The following CNTNAP2 variants were observed in gnomAD, a reference collection of about 807,000 sequenced individuals.
CNTNAP2 encodes the protein contactin associated protein 2.
A neutral mutation model predicts 155.2 loss-of-function variants in CNTNAP2; 98 were observed. That is an observed-to-expected ratio of 0.63 (90% CI 0.54 to 0.75). The LOEUF is 0.75. Among genes scored for constraint, CNTNAP2 ranks in the 30% least tolerant of loss-of-function variants. The probability of loss-of-function intolerance (pLI) is 0.00; values close to 1 mark genes in which losing one functional copy is unlikely to be tolerated. For synonymous variants in CNTNAP2, 651 were observed against 631.2 expected (o/e 1.03, Z -0.47); for missense variants, 1,727 against 1,688.1 (o/e 1.02, Z -0.40).
intron 3 of CNTNAP2, among the ~76,000 whole-genome samples, chr7:146,904,652 T>G (rs1044046060): frequency 6.6e-6 from 1 of 152,120 alleles, no homozygotes; most frequent in Admixed American, 6.5e-5. Flanking sequence ...TTTGTATTTT[T>G]AGTAGAGACG....
intron 2 of CNTNAP2, among the ~76,000 whole-genome samples, chr7:146,775,451 A>G (rs1167129001): frequency 2.0e-5 from 3 of 152,056 alleles, no homozygotes; most frequent in Admixed American, 6.6e-5. Flanking sequence ...ACCTTAATAC[A>G]GCTAAAGGAA....
intron 10 of CNTNAP2, among the ~76,000 whole-genome samples, chr7:147,478,323 T>C (rs1271287454): frequency 6.6e-6 from 1 of 152,012 alleles, no homozygotes; most frequent in African/African-American, 2.4e-5. Context: ...CAGCTAATTT[T>C]TGTATTTTTA....
chr7:147,433,961 T>G (rs1053136866), intron 10 of CNTNAP2, among the ~76,000 whole-genome samples: 4 of 152,186 alleles, frequency 2.6e-5, no homozygotes, highest in Admixed American at 6.5e-5. Context: ...ATACATGCAT[T>G]TTAAAGTATT....
intron 8 of CNTNAP2, among the ~76,000 whole-genome samples, chr7:147,297,171 C>T (rs1328269586): frequency 6.6e-6 from 1 of 151,084 alleles, no homozygotes; most frequent in Admixed American, 6.6e-5. Flanking sequence ...GTCAGCAACT[C>T]CAATGCTATT....
intron 3 of CNTNAP2, among the ~76,000 whole-genome samples, chr7:147,027,969 A>C (rs1262395040): frequency 6.6e-6 from 1 of 152,208 alleles, no homozygotes; most frequent in African/African-American, 2.4e-5. Flanking sequence ...AAAGATGTTT[A>C]ATAGAAAGTT....
intron 1 of CNTNAP2, among the ~76,000 whole-genome samples, chr7:146,246,142 G>A (rs1437795922): frequency 2.0e-5 from 3 of 151,350 alleles, no homozygotes; most frequent in East Asian, 3.9e-4. Context: ...GGCATTGAGT[G>A]GGGTAAGGGT....
chr7:146,665,109 C>T (rs1800167503), intron 1 of CNTNAP2, among the ~76,000 whole-genome samples: 1 of 152,016 alleles, frequency 6.6e-6, no homozygotes, highest in South Asian at 2.1e-4. Context: ...CCACAATACC[C>T]GGCTGATTTT....
At chr7:148,359,595 G>A (rs568186980) in intron 21 of CNTNAP2, among the ~76,000 whole-genome samples, 1 of 152,182 alleles carries the variant, frequency 6.6e-6, no homozygotes, top group African/African-American at 2.4e-5. Context: ...CAGAGTCTCT[G>A]CAAGCTTCCT....
chr7:148,141,594 A>G (rs1163040567), intron 16 of CNTNAP2, among the ~76,000 whole-genome samples: 1 of 152,174 alleles, frequency 6.6e-6, no homozygotes, highest in African/African-American at 2.4e-5. Context: ...GTGGCAGGCA[A>G]TGTTCTCAGT....
At chr7:147,626,494 C>T (rs912041184) in intron 12 of CNTNAP2, among the ~76,000 whole-genome samples, 2 of 152,160 alleles carry the variant, frequency 1.3e-5, no homozygotes, top group African/African-American at 4.8e-5. Context: ...AGAGGCTGAG[C>T]TCAGACCTGC....
chr7:147,893,478 T>C (rs947914514), intron 13 of CNTNAP2, among the ~76,000 whole-genome samples: 1 of 152,220 alleles, frequency 6.6e-6, no homozygotes, highest in Admixed American at 6.5e-5. Context: ...TCTTTATAGA[T>C]GTTCCCAAGT....
At chr7:148,151,013 C>A (rs944251029) in intron 17 of CNTNAP2, among the ~76,000 whole-genome samples, 2 of 152,114 alleles carry the variant, frequency 1.3e-5, no homozygotes, top group South Asian at 4.1e-4. Context: ...AGCCACCATG[C>A]CTGGCCTCTT....
chr7:148,139,953 T>C (rs1191249842), intron 16 of CNTNAP2, among the ~76,000 whole-genome samples: 8 of 152,240 alleles, frequency 5.3e-5, no homozygotes, highest in East Asian at 3.9e-4. Context: ...CTGACACCAA[T>C]TGCAAGTTCA....
chr7:147,952,927 G>T (rs559976245), intron 14 of CNTNAP2, among the ~76,000 whole-genome samples: 119 of 152,270 alleles, frequency 7.8e-4, no homozygotes, highest in Middle Eastern at 6.8e-3. Flanking sequence ...GGAATAGCTA[G>T]TCTAATTTTG....
intron 15 of CNTNAP2, among the ~76,000 whole-genome samples, chr7:148,004,795 C>T (rs1274612828): frequency 2.0e-5 from 3 of 152,088 alleles, no homozygotes; most frequent in Non-Finnish European, 2.9e-5. Context: ...AAATAGAACT[C>T]GAGTTTTTCT....
rs117209454 is a variant in CNTNAP2, at chr7:148,147,413, G to T, written c.2555-78G>T. On this transcript the variant is annotated intron_variant, in intron 16 of 23. Transcript: ENST00000361727. ...AGATGATTTTTCCTCTCCCTGCTTT[G>T]TTTGTCGTCTAGAATTTACTGCTAT... 9.5e-3 allele frequency: 13,393 copies of T among 1,408,812 alleles called. 94 individuals carry two copies. The highest frequency in any genetic ancestry group is 0.012 in the Non-Finnish European group (12,208 of 995,716). 87.3% of individuals were successfully genotyped at this position (1,408,812 alleles called of 1,614,324 possible).
chr7:146,469,420 G>A (rs928796362), intron 1 of CNTNAP2, among the ~76,000 whole-genome samples: 1 of 149,872 alleles, frequency 6.7e-6, no homozygotes, highest in Non-Finnish European at 1.5e-5. Context: ...TAAAGAAACA[G>A]AATATGTATA....
intron 13 of CNTNAP2, among the ~76,000 whole-genome samples, chr7:147,736,845 G>T (rs1002661068): frequency 2.0e-5 from 3 of 152,202 alleles, no homozygotes; most frequent in African/African-American, 7.2e-5. Flanking sequence ...TCGTCACGTA[G>T]TTCTCGTGCT....
chr7:148,293,329 G>A (rs1433829805), intron 21 of CNTNAP2, among the ~76,000 whole-genome samples: 8 of 152,128 alleles, frequency 5.3e-5, no homozygotes, highest in African/African-American at 1.9e-4. Context: ...CAAATCAACT[G>A]CCTCACTAGT....
Sources: allele counts gnomAD v4.1 joint callset (sites outside exome capture counted in the v4.1 genomes callset), GRCh38; gene constraint gnomAD v4.1.1; transcripts MANE v1.5; gene names NCBI Gene and HGNC (gene_info 2026-07-23, HGNC 2026-07-21).